DENND4A: variants seen among roughly 807,000 people sequenced by gnomAD.
The protein encoded by DENND4A is DENN domain containing 4A.
In DENND4A, 70 loss-of-function variants were observed where a neutral mutation model predicts 199.3. That is an observed-to-expected ratio of 0.35 (90% CI 0.29 to 0.43). The LOEUF is 0.43. DENND4A is among the 20% of genes least tolerant of loss of function. The pLI is 1.00. For synonymous variants in DENND4A, 686 were observed against 766.9 expected (o/e 0.89, Z 1.74); for missense variants, 1,723 against 2,255.8 (o/e 0.76, Z 4.78).
At position 65,724,275 on chromosome 15, in the gene DENND4A, T is replaced by C. The variant is rs572267007; in HGVS notation, c.1488-1327A>G. Reference sequence around the variant, plus strand: ...GGTCTTGCTTCGTTGCCCAGGCTGGTCTTGAACTCCACATCTTAAGGAATC... The same window carrying C: ...GGTCTTGCTTCGTTGCCCAGGCTGGCCTTGAACTCCACATCTTAAGGAATC... On this transcript the variant is annotated intron_variant, in intron 11 of 32. Coordinates refer to ENST00000443035, the MANE Select transcript of DENND4A (RefSeq NM_001320835.1). Among the ~76,000 whole-genome samples, 20 of 152,146 alleles carry C rather than the reference T, an allele frequency of 1.3e-4. 1 individual carries two copies. Among genetic ancestry groups the C allele is most frequent in the African/African-American group, 4.8e-4 (20 of 41,516 alleles).
intron 31 of DENND4A, 50 bp from the exon 32 acceptor site, chr15:65,664,444 T>A: frequency 6.6e-7 from 1 of 1,515,684 alleles, no homozygotes; most frequent in Non-Finnish European, 9.0e-7. Flanking sequence ...ATAGTCCATA[T>A]GTTCCCTATA....
chr15:65,735,482 T>A (rs547674644), intron 7 of DENND4A, among the ~76,000 whole-genome samples: 1 of 152,322 alleles, frequency 6.6e-6, no homozygotes, highest in African/African-American at 2.4e-5. Context: ...AAGAGCATTG[T>A]GGGTAAAACT....
In DENND4A at chr15:65,738,794, C is replaced by T. The variant is rs1316947213; in HGVS notation, c.713G>A (p.Gly238Asp). 1 of 1,611,002 alleles carries T rather than the reference C, an allele frequency of 6.2e-7. No individual in the cohort carries two copies. Among genetic ancestry groups the T allele is most frequent in the South Asian group, 1.1e-5 (1 of 90,674 alleles). The change falls in exon 6 of 33, where the codon GGT (glycine) becomes GAT (aspartate). Residue 238 changes from glycine (G) to aspartate (D), a missense_variant. This residue lies in a region of DENND4A where 725 missense variants were observed against 952.9 expected (regional missense o/e 0.76). Transcript: ENST00000443035. ...TGATGGCCAACATTCAATGGTTGCA[C>T]CCATTGGTAAACAAAATAGAGGAAC... ...ESVPLFCLPMGATIECWPSNS... is the reference protein window; with the variant it reads ...ESVPLFCLPMDATIECWPSNS...
intron 4 of DENND4A, among the ~76,000 whole-genome samples, chr15:65,743,297 T>C (rs1204143775): frequency 6.6e-6 from 1 of 152,190 alleles, no homozygotes; most frequent in East Asian, 1.9e-4. Flanking sequence ...ATTCTCCCCA[T>C]AATTTATTCT....
chr15:65,717,423 T>C (rs1235696630), intron 13 of DENND4A, among the ~76,000 whole-genome samples: 1 of 152,072 alleles, frequency 6.6e-6, no homozygotes, highest in Non-Finnish European at 1.5e-5. Context: ...ACAAATGAGG[T>C]TATTCAAGCC....
chr15:65,713,520 T>G (rs564190021), intron 14 of DENND4A, among the ~76,000 whole-genome samples: 1 of 152,248 alleles, frequency 6.6e-6, no homozygotes, highest in Non-Finnish European at 1.5e-5. Flanking sequence ...GTCATTAATA[T>G]GCATTTTGTG....
chr15:65,752,717 T>C lies in DENND4A; in HGVS notation c.312-89A>G, dbSNP rs2076600857. ...GGCATCATCAACTGATCCTTAAATGTAGTAGCATGGTAAAAATATTCCAAT... is the reference window on the plus strand; with the variant it reads ...GGCATCATCAACTGATCCTTAAATGCAGTAGCATGGTAAAAATATTCCAAT... On this transcript the variant is annotated intron_variant, in intron 3 of 32. Transcript: ENST00000443035. 1.2e-5 allele frequency: 10 copies of C among 803,084 alleles called. No individual in the cohort carries two copies. The South Asian group carries it at 2.1e-4, about 17-fold the overall frequency. The allele number at this position is 803,084 out of a possible 1,614,324, so 49.7% of individuals were successfully genotyped here. A position where few individuals can be genotyped will look rare whatever the true frequency, so the allele number is the denominator to read the frequency against.
At chr15:65,725,504 G>A (rs1162319735) in intron 11 of DENND4A, among the ~76,000 whole-genome samples, 1 of 151,858 alleles carries the variant, frequency 6.6e-6, no homozygotes, top group Non-Finnish European at 1.5e-5. Context: ...GTGAAACCCC[G>A]TCTCTACTAA....
chr15:65,724,380 C>T (rs2075740020), intron 11 of DENND4A, among the ~76,000 whole-genome samples: 1 of 97,834 alleles, frequency 1.0e-5, no homozygotes, highest in African/African-American at 6.8e-5. Flanking sequence ...TTTTTTGAAT[C>T]GTTTTTTTTT....
intron 22 of DENND4A, among the ~76,000 whole-genome samples, chr15:65,695,240 C>T (rs2077104310): frequency 6.6e-6 from 1 of 152,180 alleles, no homozygotes; most frequent in Admixed American, 6.5e-5. Context: ...ATATTGTAGT[C>T]TTTGCAGGCC....
At chr15:65,771,644 G>A in intron 1 of DENND4A, 1 of 1,611,956 alleles carries the variant, frequency 6.2e-7, no homozygotes, top group Non-Finnish European at 8.5e-7. Flanking sequence ...GCTATAACCA[G>A]CTCTTCCATT....
intron 1 of DENND4A, among the ~76,000 whole-genome samples, chr15:65,791,215 A>G (rs750196627): frequency 3.3e-5 from 5 of 152,178 alleles, no homozygotes; most frequent in Admixed American, 3.3e-4. Context: ...TAACTGTCCT[A>G]TAAGACAAAA....
In DENND4A at chr15:65,782,266, C is replaced by G. The variant is rs557078817; in HGVS notation, c.-102+9744G>C. Among the ~76,000 whole-genome samples the G allele has an allele frequency of 2.0e-5, 3 of 152,280 alleles. No homozygotes were observed. The South Asian group carries it at 6.2e-4, about 32-fold the overall frequency. The stretch of plus-strand genomic sequence containing the variant: ...AAACATCCCAGGACCCTTTGCATTG[C>G]AAGGCTTTGCACTTGATATTCCTCT... On this transcript the variant is annotated intron_variant, in intron 1 of 32. Coordinates refer to ENST00000443035, the MANE Select transcript of DENND4A (RefSeq NM_001320835.1).
intron 14 of DENND4A, among the ~76,000 whole-genome samples, chr15:65,706,772 G>A (rs2142256613): frequency 6.6e-6 from 1 of 152,310 alleles, no homozygotes; most frequent in East Asian, 1.9e-4. Flanking sequence ...GGGATTACAG[G>A]CGTGAGCCAC....
chr15:65,690,101 C>T (rs1596446416), intron 23 of DENND4A, among the ~76,000 whole-genome samples: 1 of 152,128 alleles, frequency 6.6e-6, no homozygotes, highest in Admixed American at 6.5e-5. Flanking sequence ...GCATATTGGA[C>T]ACATTATCTG....
chr15:65,772,029 T>C (rs1372443593), intron 1 of DENND4A: 4 of 1,385,868 alleles, frequency 2.9e-6, no homozygotes, highest in Non-Finnish European at 4.1e-6. Context: ...GGGCAGTGGG[T>C]AGAGCTTCTC....
At chr15:65,735,622 T>A (rs990806547) in intron 7 of DENND4A, among the ~76,000 whole-genome samples, 1 of 152,184 alleles carries the variant, frequency 6.6e-6, no homozygotes, top group Non-Finnish European at 1.5e-5. Context: ...TTTATTAAGT[T>A]TTGGCTGTAG....
intron 14 of DENND4A, chr15:65,715,207 T>G (rs764694893): frequency 2.9e-4 from 70 of 239,052 alleles, no homozygotes; most frequent in Non-Finnish European, 4.6e-4. Context: ...AAAAAATTCC[T>G]GGTTTTGTAA....
At chr15:65,772,690 A>G in intron 1 of DENND4A, among the ~76,000 whole-genome samples, 1 of 145,080 alleles carries the variant, frequency 6.9e-6, no homozygotes, top group Middle Eastern at 3.5e-3. Context: ...CTGGGCAACA[A>G]AATGAGACTC....
Sources: gnomAD v4.1 joint callset for allele counts (sites outside exome capture counted in the v4.1 genomes callset) on GRCh38, gnomAD v4.1.1 for gene constraint, gnomAD v4.1.1 regional missense constraint, MANE v1.5 for transcripts, NCBI Gene and HGNC (gene_info 2026-07-23, HGNC 2026-07-21) for gene names.